Variants in KCNB2 observed in about 807,000 individuals in gnomAD.
KCNB2 encodes the protein potassium voltage-gated channel subfamily B member 2.
Under a neutral mutation model 61.5 loss-of-function variants are expected in KCNB2, and 15 were observed. The ratio of observed to expected loss-of-function variants is 0.24; its 90% confidence interval spans 0.16 to 0.38. KCNB2 has a LOEUF of 0.38. Ranked by LOEUF, KCNB2 falls within the 10% of genes least tolerant of loss-of-function variation. The pLI is 1.00. For synonymous variants in KCNB2, 457 were observed against 446.0 expected (o/e 1.02, Z -0.31); for missense variants, 828 against 1,125.2 (o/e 0.74, Z 3.78).
intron 2 of KCNB2, among the ~76,000 whole-genome samples, chr8:72,606,075 A>G (rs1341462263): frequency 6.6e-6 from 1 of 152,210 alleles, no homozygotes; most frequent in East Asian, 1.9e-4. Flanking sequence ...AGTATACAGA[A>G]TATATTATCT....
chr8:72,660,465 A>G (rs528552421), intron 2 of KCNB2: 3 of 152,392 alleles, frequency 2.0e-5, no homozygotes, highest in African/African-American at 4.8e-5. Flanking sequence ...CTGGCCACCC[A>G]GAGGATTCCC....
chr8:72,785,566 C>A (rs536437576), intron 2 of KCNB2, among the ~76,000 whole-genome samples: 1 of 152,048 alleles, frequency 6.6e-6, no homozygotes, highest in Non-Finnish European at 1.5e-5. Flanking sequence ...TTAATTGAAA[C>A]AAGTTGTTTT....
chr8:72,564,532 T>G (rs1205065579), intron 1 of KCNB2, among the ~76,000 whole-genome samples: 1 of 152,214 alleles, frequency 6.6e-6, no homozygotes, highest in Non-Finnish European at 1.5e-5. Context: ...TACAACTAAG[T>G]TATTTAGTGG....
intron 2 of KCNB2, among the ~76,000 whole-genome samples, chr8:72,851,826 G>GA (rs55696554): frequency 0.099 from 4,354 of 43,798 alleles, 448 homozygotes; most frequent in African/African-American, 0.23. Context: ...GAAGCTGTAG[G>GA]AAAAAAAAAA....
At chr8:72,734,805 C>T (rs143964481) in intron 2 of KCNB2, among the ~76,000 whole-genome samples, 97 of 152,298 alleles carry the variant, frequency 6.4e-4, no homozygotes, top group South Asian at 1.2e-3. Context: ...AGATTTTCGA[C>T]AGCTTCAGAT....
At chr8:72,913,716 G>A (rs974972757) in intron 2 of KCNB2, among the ~76,000 whole-genome samples, 22 of 152,308 alleles carry the variant, frequency 1.4e-4, no homozygotes, top group Non-Finnish European at 2.2e-4. Flanking sequence ...ACACTTCCCA[G>A]CCAGTCTGGA....
At chr8:72,872,805 T>C (rs1021933605) in intron 2 of KCNB2, among the ~76,000 whole-genome samples, 6 of 152,138 alleles carry the variant, frequency 3.9e-5, no homozygotes, top group African/African-American at 9.7e-5. Flanking sequence ...CTAGAACAAG[T>C]CTAAAATATC....
At chr8:72,641,504 C>T (rs1351506114) in intron 2 of KCNB2, among the ~76,000 whole-genome samples, 1 of 152,112 alleles carries the variant, frequency 6.6e-6, no homozygotes, top group South Asian at 2.1e-4. Context: ...GCTTCCAGTC[C>T]TTTTAGCCTT....
At chr8:72,656,933 G>T (rs1023449289) in intron 2 of KCNB2, among the ~76,000 whole-genome samples, 5 of 152,062 alleles carry the variant, frequency 3.3e-5, no homozygotes, top group Non-Finnish European at 7.4e-5. Flanking sequence ...GAAAGCTGAT[G>T]GTTCATGTCC....
chr8:72,822,478 A>G (rs771599241), intron 2 of KCNB2, among the ~76,000 whole-genome samples: 1 of 152,114 alleles, frequency 6.6e-6, no homozygotes, highest in Non-Finnish European at 1.5e-5. Flanking sequence ...AGGTGTTCTG[A>G]TCTTTCATAG....
intron 2 of KCNB2, among the ~76,000 whole-genome samples, chr8:72,837,828 CTT>C (rs5892371): frequency 2.0e-4 from 30 of 151,260 alleles, no homozygotes; most frequent in Non-Finnish European, 2.4e-4. Context: ...AACTTCAATC[CTT>C]TTTTTAAAAA....
intron 1 of KCNB2, among the ~76,000 whole-genome samples, chr8:72,558,004 C>T (rs1466517888): frequency 1.3e-5 from 2 of 152,136 alleles, no homozygotes; most frequent in Admixed American, 1.3e-4. Context: ...ACAAAACAAA[C>T]AAGATACTAG....
intron 2 of KCNB2, among the ~76,000 whole-genome samples, chr8:72,799,549 C>A (rs548885960): frequency 6.6e-6 from 1 of 152,140 alleles, no homozygotes; most frequent in East Asian, 1.9e-4. Context: ...TTCTATGTTT[C>A]TAGAAGCTCG....
In KCNB2 at chr8:72,936,363, C is replaced by G; in HGVS notation, c.1008C>G (p.Gly336=). The change falls in exon 3 of 3, where the codon GGC becomes GGG. Residue 336 remains glycine, a synonymous_variant. Coordinates refer to ENST00000523207, the MANE Select transcript of KCNB2 (RefSeq NM_004770.3). This position sits in a 1 kb window ranked among gnomAD's most constrained non-coding sequence, Gnocchi z 5.6. ...FTLRRSYNEL[G]LLILFLAMGI... is the part of the protein sequence containing the mutation. ...TTAGGCGGAGTTACAATGAATTGGG[C>G]TTGTTGATATTGTTTCTGGCCATGG... 6.2e-7 allele frequency: 1 copy of G among 1,614,212 alleles called. No individual in the cohort carries two copies. The highest frequency in any genetic ancestry group is 8.5e-7 in the Non-Finnish European group (1 of 1,180,034).
chr8:72,870,535 A>C (rs73315060), intron 2 of KCNB2, among the ~76,000 whole-genome samples: 72 of 152,308 alleles, frequency 4.7e-4, no homozygotes, highest in African/African-American at 1.7e-3. Context: ...TCTCATCTGA[A>C]AGGAAACAGT....
chr8:72,650,788 C>A (rs1585807138), intron 2 of KCNB2, among the ~76,000 whole-genome samples: 1 of 152,212 alleles, frequency 6.6e-6, no homozygotes, highest in Non-Finnish European at 1.5e-5. Flanking sequence ...AAAGAATTAA[C>A]CTTGCTTTCA....
chr8:72,738,474 T>G (rs1420254882), intron 2 of KCNB2, among the ~76,000 whole-genome samples: 2 of 152,182 alleles, frequency 1.3e-5, no homozygotes, highest in Non-Finnish European at 2.9e-5. Flanking sequence ...TCTTCTAAGA[T>G]AGCAACTGCC....
chr8:72,573,538 C>T (rs900126204), intron 2 of KCNB2, among the ~76,000 whole-genome samples: 1 of 152,114 alleles, frequency 6.6e-6, no homozygotes, highest in African/African-American at 2.4e-5. Flanking sequence ...TTCTGTGTAC[C>T]GTGCAGTGCT....
chr8:72,836,255 C>T (rs184639269), intron 2 of KCNB2, among the ~76,000 whole-genome samples: 45 of 152,306 alleles, frequency 3.0e-4, no homozygotes, highest in East Asian at 5.8e-4. Context: ...AAACTGGCTA[C>T]ATTTAAAAGT....
Sources: allele counts gnomAD v4.1 joint callset (sites outside exome capture counted in the v4.1 genomes callset), GRCh38; gene constraint gnomAD v4.1.1; non-coding constraint Gnocchi (gnomAD v3.1); transcripts MANE v1.5; gene names NCBI Gene and HGNC (gene_info 2026-07-23, HGNC 2026-07-21).